The following RNF38 variants were observed in gnomAD, a reference collection of about 807,000 sequenced individuals.
RNF38 encodes ring finger protein 38, also known as E3 ubiquitin-protein ligase RNF38.
RNF38 carries 15 observed loss-of-function variants against 67.2 expected under a neutral mutation model. The ratio of observed to expected loss-of-function variants is 0.22; its 90% CI spans 0.15 to 0.34. The LOEUF (loss-of-function observed/expected upper bound fraction) is 0.34, where lower values mean the gene tolerates loss of function less well. Ranked by LOEUF, RNF38 falls within the 10% of genes least tolerant of loss-of-function variation. The probability of loss-of-function intolerance (pLI) is 1.00; values close to 1 mark genes in which losing one functional copy is unlikely to be tolerated. For missense variants in RNF38, 524 were observed against 639.9 expected, an observed-to-expected ratio of 0.82 and a Z score of 1.95; for synonymous variants, 220 against 218.8, an observed-to-expected ratio of 1.01 and a Z score of -0.05.
At chr9:36,432,383 T>C (rs1041257488) in intron 1 of RNF38, among the ~76,000 whole-genome samples, 11 of 152,014 alleles carry the variant, frequency 7.2e-5, no homozygotes, top group African/African-American at 2.4e-4. Flanking sequence ...TCCACCTCCT[T>C]TGGCATCCCA....
intron 1 of RNF38, among the ~76,000 whole-genome samples, chr9:36,438,077 G>T (rs1023653763): frequency 6.6e-6 from 1 of 152,208 alleles, no homozygotes; most frequent in East Asian, 1.9e-4. Context: ...GAGTAGCTGG[G>T]ACTACAAGTG....
In RNF38 at chr9:36,369,731, G is replaced by A. The variant is rs756790024; in HGVS notation, c.558C>T (p.Asp186=). The A allele has an allele frequency of 6.2e-7, 1 of 1,611,502 alleles. No homozygotes were observed. The highest frequency in any genetic ancestry group is 2.2e-5 in the East Asian group (1 of 44,802). Residue 186 remains aspartate, a synonymous_variant, in exon 4 of 12, where the codon GAC becomes GAT. Transcript: ENST00000259605. ...TCTGTTATTGTACCTGATCATGTATGTCAACCATGACTGCATTCTGCTGGG... is the reference window on the plus strand; with the variant it reads ...TCTGTTATTGTACCTGATCATGTATATCAACCATGACTGCATTCTGCTGGG... ...HPPQQNAVMV[D]IHDQLHQGTV...
chr9:36,462,931 T>G (rs1839767652), intron 1 of RNF38, among the ~76,000 whole-genome samples: 1 of 151,802 alleles, frequency 6.6e-6, no homozygotes, highest in Admixed American at 6.6e-5. Flanking sequence ...TGCCTCAGTC[T>G]CCCCTGCTGG....
chr9:36,341,866 A>AT (rs1832873436), intron 11 of RNF38, among the ~76,000 whole-genome samples: 1 of 2,600 alleles, frequency 3.8e-4, no homozygotes. Flanking sequence ...ATATATATAT[A>AT]AAGAAGCCCC....
Position 36,423,881 on chromosome 9 carries a change from G to A in RNF38, n.312+732C>T, listed in dbSNP as rs565313022. Among the ~76,000 whole-genome samples, 40 of 95,260 alleles carry A rather than the reference G, an allele frequency of 4.2e-4. 10 individuals carry two copies. The highest frequency in any genetic ancestry group is 8.5e-4 in the Non-Finnish European group (35 of 41,170). 62.5% of individuals were successfully genotyped at this position (95,260 alleles called of 152,430 possible). A position where few individuals can be genotyped will look rare whatever the true frequency, so the allele number is the denominator to read the frequency against. ...GGAGAATGGCGTGAACCCGGGAGAC[G>A]GAGCTTGCAGTGAGCCGAGATTGCG... On this transcript the variant is annotated intron_variant and non_coding_transcript_variant, in intron 2 of 3. Transcript: ENST00000488058.
At chr9:36,352,344 TTC>T (rs898473834) in intron 8 of RNF38, among the ~76,000 whole-genome samples, 27 of 151,738 alleles carry the variant, frequency 1.8e-4, no homozygotes, top group African/African-American at 5.3e-4. Context: ...CCATGGGAAT[TTC>T]TGTTACAGAC....
chr9:36,390,385 G>A, intron 2 of RNF38, 82 bp downstream of exon 2: 1 of 1,162,772 alleles, frequency 8.6e-7, no homozygotes, highest in Non-Finnish European at 1.2e-6. Context: ...ACGATATTGG[G>A]CATTTTGTTT....
At chr9:36,430,502 G>A (rs950274859) in intron 1 of RNF38, among the ~76,000 whole-genome samples, 1 of 152,094 alleles carries the variant, frequency 6.6e-6, no homozygotes, top group African/African-American at 2.4e-5. Context: ...ACTGTGCCTG[G>A]CCTTAATATT....
At chr9:36,479,096 A>C (rs1308805969) in intron 1 of RNF38, among the ~76,000 whole-genome samples, 3 of 152,176 alleles carry the variant, frequency 2.0e-5, no homozygotes, top group Non-Finnish European at 4.4e-5. Flanking sequence ...CACTATTAAC[A>C]ACAACGCTCC....
chr9:36,395,175 G>A (rs886109723), intron 1 of RNF38, among the ~76,000 whole-genome samples: 18 of 152,144 alleles, frequency 1.2e-4, no homozygotes, highest in Admixed American at 3.3e-4. Flanking sequence ...TGGCCATTCT[G>A]TGTTTTGGTA....
chr9:36,448,286 A>T (rs922181781), intron 1 of RNF38, among the ~76,000 whole-genome samples: 1 of 152,256 alleles, frequency 6.6e-6, no homozygotes, highest in Admixed American at 6.5e-5. Flanking sequence ...GATCAAATAT[A>T]GCAGAATCTT....
intron 1 of RNF38, among the ~76,000 whole-genome samples, chr9:36,397,108 T>G (rs1484527278): frequency 2.7e-5 from 4 of 150,638 alleles, no homozygotes; most frequent in African/African-American, 9.7e-5. Context: ...TGTTTTGTTT[T>G]TTTTTTTTTG....
chr9:36,427,702 T>TCTATCTAA (rs1554694676), intron 1 of RNF38, among the ~76,000 whole-genome samples: 1 of 139,412 alleles, frequency 7.2e-6, no homozygotes, highest in East Asian at 2.0e-4. Flanking sequence ...TATCTATCTA[T>TCTATCTAA]CTACCTACCT....
At position 36,352,649 on chromosome 9, in the gene RNF38, C is replaced by T. The variant is rs1010469853; in HGVS notation, c.1178+93G>A. 30 of 963,032 alleles carry T rather than the reference C, an allele frequency of 3.1e-5. No individual in the cohort carries two copies. In the African/African-American group the frequency reaches 4.7e-4, roughly 15 times the overall value. 59.7% of individuals were successfully genotyped at this position (963,032 alleles called of 1,614,324 possible). ...ATTAAGTAAAGACAAATAACTAACA[C>T]ACCAAAAGCTATAGACACAAAGACA... On this transcript the variant is annotated intron_variant, in intron 8 of 11. Coordinates refer to ENST00000259605, the MANE Select transcript of RNF38 (RefSeq NM_022781.5).
upstream of RNF38, chr9:36,400,879 G>GCCCGGCCCGGCCACGC: frequency 1.0e-6 from 1 of 984,462 alleles, no homozygotes. Flanking sequence ...CGCACTAGGG[G>GCCCGGCCCGGCCACGC]CCCGGCCCGG....
chr9:36,400,269 C>A lies in RNF38; in HGVS notation c.-161G>T. The A allele has an allele frequency of 7.4e-7, 1 of 1,350,914 alleles. No homozygotes were observed. Among genetic ancestry groups the A allele is most frequent in the Non-Finnish European group, 9.5e-7 (1 of 1,047,178 alleles). The allele number at this position is 1,350,914 out of a possible 1,614,324, so 83.7% of individuals were successfully genotyped here. On this transcript the variant is annotated 5_prime_UTR_variant, in exon 1 of 12. Coordinates refer to ENST00000259605, the MANE Select transcript of RNF38 (RefSeq NM_022781.5). ...CCAGAAACCCACGGAAGCAGAAGGA[C>A]GCCAGAGAGGACCCTTTCGACCGGG...
chr9:36,397,910 T>C (rs1837657802), intron 1 of RNF38, among the ~76,000 whole-genome samples: 2 of 152,114 alleles, frequency 1.3e-5, no homozygotes, highest in Admixed American at 6.6e-5. Context: ...TGAAAAAATA[T>C]CTAGACCACA....
At chr9:36,402,894 C>T (rs968941136), upstream of RNF38, among the ~76,000 whole-genome samples, 4 of 152,032 alleles carry the variant, frequency 2.6e-5, no homozygotes, top group Non-Finnish European at 5.9e-5. Flanking sequence ...GCTCTGTCGC[C>T]CAGGCTGGAG....
intron 2 of RNF38, among the ~76,000 whole-genome samples, chr9:36,386,458 T>C (rs897033707): frequency 5.9e-5 from 9 of 152,270 alleles, no homozygotes; most frequent in Admixed American, 2.6e-4. Context: ...TCTATGTGTA[T>C]AGCTTTTCAA....
Sources: gnomAD v4.1 joint callset for allele counts (sites outside exome capture counted in the v4.1 genomes callset) on GRCh38, gnomAD v4.1.1 for gene constraint, MANE v1.5 for transcripts, NCBI Gene and HGNC (gene_info 2026-07-23, HGNC 2026-07-21) for gene names.